Variants in MACROD2 observed in about 807,000 individuals in gnomAD.
MACROD2 encodes the protein ADP-ribose glycohydrolase MACROD2.
Under a neutral mutation model 70.4 loss-of-function variants are expected in MACROD2, and 36 were observed. The ratio of observed to expected loss-of-function variants is 0.51; its 90% CI spans 0.39 to 0.68. The LOEUF is 0.68. Ranked by LOEUF, MACROD2 falls within the 30% of genes least tolerant of loss-of-function variation. The probability of loss-of-function intolerance (pLI) is 0.00; values close to 1 mark genes in which losing one functional copy is unlikely to be tolerated. For missense variants in MACROD2, 496 were observed against 538.4 expected (o/e 0.92, Z 0.78); for synonymous variants, 172 against 178.8 (o/e 0.96, Z 0.30).
chr20:15,934,991 A>G (rs1601164571), intron 11 of MACROD2, among the ~76,000 whole-genome samples: 1 of 131,156 alleles, frequency 7.6e-6, no homozygotes, highest in African/African-American at 2.8e-5. Context: ...ACCCAGGCCC[A>G]AAGTGTCCTT....
At chr20:15,206,594 C>G (rs1316857227) in intron 5 of MACROD2, among the ~76,000 whole-genome samples, 1 of 151,812 alleles carries the variant, frequency 6.6e-6, no homozygotes, top group Non-Finnish European at 1.5e-5. Flanking sequence ...ATCTTTACCT[C>G]TCAAAGGCAC....
chr20:14,824,345 T>A (rs771098724), intron 5 of MACROD2, among the ~76,000 whole-genome samples: 35 of 152,166 alleles, frequency 2.3e-4, no homozygotes, highest in Non-Finnish European at 3.5e-4. Flanking sequence ...GTCTCCTGGT[T>A]GTCTGTTGCT....
intron 5 of MACROD2, among the ~76,000 whole-genome samples, chr20:14,908,667 A>AC (rs1256971044): frequency 6.7e-6 from 1 of 150,184 alleles, no homozygotes; most frequent in Non-Finnish European, 1.5e-5. Flanking sequence ...GTCTGCCAGA[A>AC]AAAAAAAAAA....
intron 5 of MACROD2, among the ~76,000 whole-genome samples, chr20:14,756,525 G>A (rs2071942508): frequency 1.3e-5 from 2 of 152,068 alleles, no homozygotes; most frequent in African/African-American, 4.8e-5. Context: ...TTGACATATG[G>A]GAGGTTATCA....
chr20:15,354,626 GGAACTTA>G (rs2146231315), intron 6 of MACROD2, among the ~76,000 whole-genome samples: 1 of 151,846 alleles, frequency 6.6e-6, no homozygotes, highest in Non-Finnish European at 1.5e-5. Context: ...CCCACTCCTA[GGAACTTA>G]AATGTAAATT....
At chr20:15,422,063 GAAC>G (rs1387959915) in intron 6 of MACROD2, among the ~76,000 whole-genome samples, 5 of 152,266 alleles carry the variant, frequency 3.3e-5, no homozygotes, top group African/African-American at 1.2e-4. Flanking sequence ...TGCACTTGAA[GAAC>G]AAAAGGAGAC....
intron 15 of MACROD2, among the ~76,000 whole-genome samples, chr20:16,006,117 A>G (rs2066784533): frequency 6.6e-6 from 1 of 151,918 alleles, no homozygotes; most frequent in African/African-American, 2.4e-5. Flanking sequence ...AGAAGCAAAG[A>G]CCCTCTCCTC....
intron 8 of MACROD2, among the ~76,000 whole-genome samples, chr20:15,792,033 T>A (rs902262802): frequency 2.0e-5 from 3 of 152,124 alleles, no homozygotes; most frequent in Non-Finnish European, 4.4e-5. Context: ...CCAACAAGGC[T>A]GTACTAGCTT....
chr20:14,132,783 A>C (rs959298), intron 3 of MACROD2, among the ~76,000 whole-genome samples: 150,753 of 152,200 alleles, frequency 0.99, 74,675 homozygotes, highest in East Asian at 1. Flanking sequence ...GGACTACAAA[A>C]ACATGCCACT....
intron 8 of MACROD2, among the ~76,000 whole-genome samples, chr20:15,858,929 C>T (rs2064388929): frequency 6.6e-6 from 1 of 152,032 alleles, no homozygotes; most frequent in African/African-American, 2.4e-5. Context: ...GGTGACTATC[C>T]CCAGTGCAGT....
At chr20:15,907,272 G>A (rs1319429965) in intron 10 of MACROD2, among the ~76,000 whole-genome samples, 1 of 152,236 alleles carries the variant, frequency 6.6e-6, no homozygotes, top group Non-Finnish European at 1.5e-5. Flanking sequence ...ATGGTTCAAT[G>A]TGGGGAACCA....
At chr20:15,141,075 A>G (rs6110531) in intron 5 of MACROD2, among the ~76,000 whole-genome samples, 2,320 of 151,104 alleles carry the variant, frequency 0.015, 49 homozygotes, top group African/African-American at 0.053. Context: ...ATATCTGCAT[A>G]TAGAATTTAC....
intron 15 of MACROD2, among the ~76,000 whole-genome samples, chr20:16,005,327 T>C (rs1487422577): frequency 6.6e-6 from 1 of 152,212 alleles, no homozygotes; most frequent in Non-Finnish European, 1.5e-5. Context: ...GAGGGGCTTA[T>C]TTTAATAAGA....
intron 3 of MACROD2, among the ~76,000 whole-genome samples, chr20:14,250,212 G>T (rs557291992): frequency 1.8e-4 from 27 of 151,886 alleles, no homozygotes; most frequent in Non-Finnish European, 2.4e-4. Context: ...GTATGTGGGC[G>T]CAGTTGAGAG....
chr20:15,393,848 G>A (rs918443990), intron 6 of MACROD2, among the ~76,000 whole-genome samples: 8 of 151,990 alleles, frequency 5.3e-5, no homozygotes, highest in Non-Finnish European at 7.4e-5. Flanking sequence ...TGGCTATTAC[G>A]ATTATCTCTG....
intron 4 of MACROD2, among the ~76,000 whole-genome samples, chr20:14,511,895 A>G (rs778572877): frequency 1.3e-5 from 2 of 151,268 alleles, no homozygotes; most frequent in Non-Finnish European, 2.9e-5. Context: ...CAATTCTTCC[A>G]TAGCACTGTA....
intron 10 of MACROD2, among the ~76,000 whole-genome samples, chr20:15,896,965 A>G (rs1213394799): frequency 6.6e-6 from 1 of 152,186 alleles, no homozygotes; most frequent in Non-Finnish European, 1.5e-5. Flanking sequence ...GATTAGTACC[A>G]GTTGCATTAA....
chr20:16,020,693 A>G (rs1489675602), intron 15 of MACROD2, among the ~76,000 whole-genome samples: 1 of 151,674 alleles, frequency 6.6e-6, no homozygotes, highest in East Asian at 1.9e-4. Flanking sequence ...CTCTTCCTTA[A>G]TTAGGTACTG....
intron 5 of MACROD2, among the ~76,000 whole-genome samples, chr20:15,172,554 T>C (rs1200099921): frequency 1.3e-5 from 2 of 152,202 alleles, no homozygotes; most frequent in Non-Finnish European, 2.9e-5. Context: ...ATTTGGCTAC[T>C]GTTTTGTTTT....
Sources: gnomAD v4.1 joint callset for allele counts (sites outside exome capture counted in the v4.1 genomes callset) on GRCh38, gnomAD v4.1.1 for gene constraint, MANE v1.5 for transcripts, NCBI Gene and HGNC (gene_info 2026-07-23, HGNC 2026-07-21) for gene names.